KLHDC10: variants seen among roughly 807,000 people sequenced by gnomAD.
KLHDC10 encodes kelch domain-containing protein 10.
Under a neutral mutation model 56.1 loss-of-function variants are expected in KLHDC10, and 24 were observed. The observed-to-expected ratio is 0.43, with a 90% CI of 0.31 to 0.60. The LOEUF is 0.60. Among genes scored for constraint, KLHDC10 ranks in the 20% least tolerant of loss-of-function variants. The pLI is 0.11. For synonymous variants in KLHDC10, 188 were observed against 207.1 expected, an observed-to-expected ratio of 0.91 and a Z score of 0.79; for missense variants, 349 against 567.0, an observed-to-expected ratio of 0.62 and a Z score of 3.91.
rs1404926182 is a variant in KLHDC10, at chr7:130,116,370, A to G, written c.254-75A>G. On this transcript the variant is annotated intron_variant, in intron 2 of 9. Coordinates refer to ENST00000335420, the MANE Select transcript of KLHDC10 (RefSeq NM_014997.4). The surrounding 1 kb of genome is among the most constrained non-coding windows in gnomAD (Gnocchi z 4.8). ...TTCCTGGTCCCCTTTTATGGCTAAA[A>G]TGGTTGTTACCTAATTTTGTTTGTG... The G allele has an allele frequency of 9.1e-7, 1 of 1,096,958 alleles. No individual in the cohort carries two copies. The highest frequency in any genetic ancestry group is 1.6e-5 in the African/African-American group (1 of 64,170). The allele number at this position is 1,096,958 out of a possible 1,614,324, so 68.0% of individuals were successfully genotyped here.
intron 2 of KLHDC10, among the ~76,000 whole-genome samples, chr7:130,108,760 T>A (rs1584632310): frequency 1.3e-5 from 2 of 150,452 alleles, no homozygotes; most frequent in African/African-American, 4.9e-5. Flanking sequence ...GGGAAAAAAA[T>A]GTCTCCTGTA....
rs1403628326 is a variant in KLHDC10, at chr7:130,132,854, C to T, written c.*2108C>T. On this transcript the variant is annotated 3_prime_UTR_variant, in exon 10 of 10. Transcript: ENST00000335420. ...TTTTTGACCTGGATTTATACAGGGACCAAAGACTGAATGCTCAGCCTCTGT... is the reference window on the plus strand; with the variant it reads ...TTTTTGACCTGGATTTATACAGGGATCAAAGACTGAATGCTCAGCCTCTGT... 6.6e-6 allele frequency: 1 copy of T among 152,218 alleles called. No homozygotes were observed. Among genetic ancestry groups the T allele is most frequent in the Non-Finnish European group, 1.5e-5 (1 of 68,054 alleles). The allele number at this position is 152,218 out of a possible 1,614,324, so 9.4% of individuals were successfully genotyped here.
chr7:130,107,178 T>TA (rs944515410), intron 2 of KLHDC10, among the ~76,000 whole-genome samples: 18 of 151,868 alleles, frequency 1.2e-4, no homozygotes, highest in East Asian at 1.9e-4. Context: ...CTCATTAAAG[T>TA]AAAAAAAACG....
rs1371113509 is a variant in KLHDC10 at position 130,130,161 on chromosome 7, C to T, written c.1120-376C>T. On this transcript the variant is annotated intron_variant, in intron 9 of 9. Transcript: ENST00000335420. The surrounding 1 kb of genome is among the most constrained non-coding windows in gnomAD (Gnocchi z 4.2). The stretch of plus-strand genomic sequence containing the variant: ...TGAAACCCCATCTCTACTAAAAATA[C>T]AAAAAAAAATTAGCCGGACGTGGTG... Among the ~76,000 whole-genome samples, 1 of 150,288 alleles carries T rather than the reference C, an allele frequency of 6.7e-6. No homozygotes were observed. Among genetic ancestry groups the T allele is most frequent in the Non-Finnish European group, 1.5e-5 (1 of 67,506 alleles).
chr7:130,129,344 C>T (rs965815078), intron 8 of KLHDC10, 93 bp from the exon 9 acceptor site: 9 of 1,430,638 alleles, frequency 6.3e-6, no homozygotes, highest in Admixed American at 2.0e-5. Context: ...CTTCACTGGC[C>T]GCATGTCAGC....
At chr7:130,114,388 C>T (rs1424601748) in intron 2 of KLHDC10, among the ~76,000 whole-genome samples, 1 of 152,140 alleles carries the variant, frequency 6.6e-6, no homozygotes, top group Non-Finnish European at 1.5e-5. Flanking sequence ...AGAAAGTTAC[C>T]TGTATAAGCC....
chr7:130,093,024 T>G (rs531626044), intron 1 of KLHDC10, among the ~76,000 whole-genome samples: 1 of 151,694 alleles, frequency 6.6e-6, no homozygotes, highest in South Asian at 2.1e-4. Flanking sequence ...TTTTAATGAC[T>G]TTTTTTTGTT....
rs1439665898 is a variant in KLHDC10, at chr7:130,129,519, G to A, written c.1062G>A (p.Val354=). 2.5e-6 allele frequency: 4 copies of A among 1,614,068 alleles called. No homozygotes were observed. The African/African-American group carries it at 5.3e-5, about 22-fold the overall frequency. The part of the protein sequence containing the change: ...WKLNLQTFQW[V]KLPATMPEPV... Reference sequence around the variant, plus strand: ...TGAATCTGCAGACTTTCCAATGGGTGAAGCTCCCAGCTACCATGCCAGAGC... The same window carrying A: ...TGAATCTGCAGACTTTCCAATGGGTAAAGCTCCCAGCTACCATGCCAGAGC... Residue 354 remains valine, a synonymous_variant, in exon 9 of 10, where the codon GTG becomes GTA. Coordinates refer to ENST00000335420, the MANE Select transcript of KLHDC10 (RefSeq NM_014997.4).
At chr7:130,103,739 G>C (rs1795970704) in intron 2 of KLHDC10, among the ~76,000 whole-genome samples, 1 of 152,082 alleles carries the variant, frequency 6.6e-6, no homozygotes, top group Non-Finnish European at 1.5e-5. Flanking sequence ...TAAGATTTCT[G>C]AAAGTTTGTG....
chr7:130,082,845 T>A (rs961760831), intron 1 of KLHDC10, among the ~76,000 whole-genome samples: 3 of 152,244 alleles, frequency 2.0e-5, no homozygotes, highest in African/African-American at 7.2e-5. Flanking sequence ...TGGTTTTAAC[T>A]GTCTCCTATG....
At chr7:130,125,161 G>T (rs1353735608) in intron 6 of KLHDC10, among the ~76,000 whole-genome samples, 1 of 152,218 alleles carries the variant, frequency 6.6e-6, no homozygotes, top group Non-Finnish European at 1.5e-5. Context: ...AAATGTGGAA[G>T]TTGCAGAACA....
chr7:130,099,256 C>T (rs929228081), intron 2 of KLHDC10, among the ~76,000 whole-genome samples: 1 of 152,168 alleles, frequency 6.6e-6, no homozygotes, highest in Non-Finnish European at 1.5e-5. Flanking sequence ...TTAGTTGTCT[C>T]ATCAACTTTC....
rs558043133 is a variant in KLHDC10, at chr7:130,088,814, G to A, written c.167-8107G>A. 2.4e-4 allele frequency among the ~76,000 whole-genome samples: 35 copies of A among 147,440 alleles called. No individual in the cohort carries two copies. The South Asian group carries it at 4.3e-3, about 18-fold the overall frequency. ...CCCGCCACCACACCCAGCTATTTTA[G>A]TAAAGACAGGATTTCACCATGTTGG... is the stretch of plus-strand genomic sequence containing the variant. On this transcript the variant is annotated intron_variant, in intron 1 of 9. Coordinates refer to ENST00000335420, the MANE Select transcript of KLHDC10 (RefSeq NM_014997.4).
intron 2 of KLHDC10, among the ~76,000 whole-genome samples, chr7:130,114,975 C>CA (rs923370272): frequency 6.6e-5 from 10 of 152,208 alleles, no homozygotes; most frequent in Non-Finnish European, 1.3e-4. Flanking sequence ...GAGGAACCAT[C>CA]AAAGACTTTC....
In KLHDC10 at chr7:130,133,230, G is replaced by GATAGGGGTCATC. The variant is rs1796424319; in HGVS notation, c.*2486_*2497dup. The GATAGGGGTCATC allele has an allele frequency of 3.3e-5, 5 of 152,180 alleles. No homozygotes were observed. Among genetic ancestry groups the GATAGGGGTCATC allele is most frequent in the Admixed American group, 3.3e-4 (5 of 15,266 alleles). The allele number at this position is 152,180 out of a possible 1,614,324, so 9.4% of individuals were successfully genotyped here. The stretch of plus-strand genomic sequence containing the variant: ...ACTAAGTGTAGATAACTAGAAATTA[G>GATAGGGGTCATC]ATAGGGGTCATCAGGCGTTTCGGTA... On this transcript the variant is annotated 3_prime_UTR_variant, in exon 10 of 10. Coordinates refer to ENST00000335420, the MANE Select transcript of KLHDC10 (RefSeq NM_014997.4).
chr7:130,075,745 A>G (rs928861010), intron 1 of KLHDC10, among the ~76,000 whole-genome samples: 2 of 152,194 alleles, frequency 1.3e-5, no homozygotes, highest in African/African-American at 4.8e-5. Context: ...GATTCTGTCA[A>G]ATTTCAAGTT....
At chr7:130,078,037 T>C (rs868593379) in intron 1 of KLHDC10, among the ~76,000 whole-genome samples, 6 of 152,252 alleles carry the variant, frequency 3.9e-5, no homozygotes, top group Middle Eastern at 3.4e-3. Context: ...TACTGAATAA[T>C]GATAATTTTA....
At chr7:130,096,891 C>T (rs367808217) in intron 1 of KLHDC10, 30 bp from the exon 2 acceptor site, 8 of 1,516,820 alleles carry the variant, frequency 5.3e-6, no homozygotes, top group Non-Finnish European at 7.3e-6. Context: ...TTGTATGTGT[C>T]TGACTTATTG....
At chr7:130,074,356 A>G (rs1230692162) in intron 1 of KLHDC10, among the ~76,000 whole-genome samples, 1 of 151,996 alleles carries the variant, frequency 6.6e-6, no homozygotes, top group Admixed American at 6.6e-5. Flanking sequence ...TCATAGCATC[A>G]TGTGGCTCTC....
Sources: allele counts gnomAD v4.1 joint callset (sites outside exome capture counted in the v4.1 genomes callset), GRCh38; gene constraint gnomAD v4.1.1; non-coding constraint Gnocchi (gnomAD v3.1); transcripts MANE v1.5; gene names NCBI Gene and HGNC (gene_info 2026-07-23, HGNC 2026-07-21).